Variants in BLVRA observed in about 807,000 individuals in gnomAD.
The protein encoded by BLVRA is biliverdin reductase A.
A neutral mutation model predicts 32.8 loss-of-function variants in BLVRA; 22 were observed. That is an observed-to-expected ratio of 0.67 (90% CI 0.48 to 0.96). The LOEUF (loss-of-function observed/expected upper bound fraction) is 0.96, where lower values mean the gene tolerates loss of function less well. Among genes scored for constraint, BLVRA ranks in the 40% least tolerant of loss-of-function variants. BLVRA has a pLI of 0.00. For missense variants in BLVRA, 323 were observed against 358.1 expected (o/e 0.90, Z 0.79); for synonymous variants, 119 against 141.3 (o/e 0.84, Z 1.12).
intron 6 of BLVRA, among the ~76,000 whole-genome samples, chr7:43,803,085 A>G (rs2095800498): frequency 6.6e-6 from 1 of 152,178 alleles, no homozygotes; most frequent in Non-Finnish European, 1.5e-5. Flanking sequence ...GAAGACTAAG[A>G]AAACATTTAA....
intron 2 of BLVRA, among the ~76,000 whole-genome samples, chr7:43,780,818 GA>G (rs2095768193): frequency 6.6e-6 from 1 of 152,212 alleles, no homozygotes; most frequent in Non-Finnish European, 1.5e-5. Flanking sequence ...GTATGTTCAT[GA>G]AACATTTTGT....
chr7:43,774,147 G>A (rs1187012996), intron 2 of BLVRA, among the ~76,000 whole-genome samples: 1 of 152,178 alleles, frequency 6.6e-6, no homozygotes, highest in Non-Finnish European at 1.5e-5. Flanking sequence ...AGTTTAATTA[G>A]ATCCCATTTG....
intron 3 of BLVRA, among the ~76,000 whole-genome samples, chr7:43,790,436 C>T (rs549387696): frequency 3.4e-4 from 51 of 152,162 alleles, no homozygotes; most frequent in African/African-American, 1.2e-3. Context: ...GACACACACA[C>T]ACACACAAAC....
intron 2 of BLVRA, among the ~76,000 whole-genome samples, chr7:43,774,167 G>T (rs2132555109): frequency 6.6e-6 from 1 of 152,196 alleles, no homozygotes; most frequent in African/African-American, 2.4e-5. Context: ...GTCCATTTTG[G>T]CTTTTGTTGC....
intron 2 of BLVRA, among the ~76,000 whole-genome samples, chr7:43,784,697 C>T (rs1023429664): frequency 8.0e-5 from 12 of 150,376 alleles, no homozygotes; most frequent in South Asian, 6.3e-4. Context: ...CCTGCCTCCC[C>T]GGTTCAAGCG....
chr7:43,793,137 A>G (rs2132582308), intron 5 of BLVRA, among the ~76,000 whole-genome samples: 2 of 152,346 alleles, frequency 1.3e-5, no homozygotes, highest in Admixed American at 1.3e-4. Flanking sequence ...ATGCTGGGAT[A>G]TCCTAAAAAT....
intron 2 of BLVRA, among the ~76,000 whole-genome samples, chr7:43,785,238 G>T (rs1250728983): frequency 6.7e-6 from 1 of 149,558 alleles, no homozygotes; most frequent in Middle Eastern, 3.3e-3. Context: ...GATTGAAAGG[G>T]AAACAAATAT....
chr7:43,770,627 C>T (rs981033398), intron 1 of BLVRA, among the ~76,000 whole-genome samples: 35 of 152,150 alleles, frequency 2.3e-4, no homozygotes, highest in African/African-American at 8.4e-4. Flanking sequence ...TACCCCTGCT[C>T]ACCTGTTTGC....
At chr7:43,806,832 C>G in intron 7 of BLVRA, 145 bp from the exon 8 acceptor site, 1 of 841,208 alleles carries the variant, frequency 1.2e-6, no homozygotes, top group Non-Finnish European at 2.0e-6. Context: ...TTGACACAGT[C>G]ACCCACAGCC....
At position 43,771,128 on chromosome 7, in the gene BLVRA, G is replaced by T; in HGVS notation, c.-21-10G>T. On this transcript the variant is annotated splice_polypyrimidine_tract_variant and intron_variant, in intron 1 of 7. Transcript: ENST00000265523. ...ACCAGGGACCTGAACCTCTGCTTTT[G>T]TCTTTACAGTGACCGAAGGAAGAGA... 2 of 1,614,034 alleles carry T rather than the reference G, an allele frequency of 1.2e-6. No homozygotes were observed. Among genetic ancestry groups the T allele is most frequent in the East Asian group, 2.2e-5 (1 of 44,888 alleles).
intron 2 of BLVRA, among the ~76,000 whole-genome samples, chr7:43,777,408 G>A (rs1309655206): frequency 1.8e-5 from 2 of 113,542 alleles, no homozygotes; most frequent in Admixed American, 9.2e-5. Flanking sequence ...ATGAAGCTTA[G>A]TTTGGCTGGA....
At chr7:43,789,013 C>T (rs2095782009) in intron 3 of BLVRA, among the ~76,000 whole-genome samples, 1 of 151,954 alleles carries the variant, frequency 6.6e-6, no homozygotes, top group African/African-American at 2.4e-5. Flanking sequence ...TTCCCCCATG[C>T]TCAAATTTTC....
intron 5 of BLVRA, among the ~76,000 whole-genome samples, chr7:43,794,396 T>G (rs2095789542): frequency 6.6e-6 from 1 of 152,094 alleles, no homozygotes; most frequent in Admixed American, 6.6e-5. Flanking sequence ...TAAAGGTAAA[T>G]ATATAGACAA....
Position 43,791,691 on chromosome 7 carries a change from C to T in BLVRA, c.254+323C>T, listed in dbSNP as rs1181577. On this transcript the variant is annotated intron_variant, in intron 4 of 7. Coordinates refer to ENST00000265523, the MANE Select transcript of BLVRA (RefSeq NM_000712.4). ...ACAGTAGTGGCCTCCTTCTTCTCAC[C>T]AGACAGTTTAGGATGTGGAGCCGGC... 7.5e-3 allele frequency: 2,303 copies of T among 308,734 alleles called. 60 individuals are homozygous for T. The highest frequency in any genetic ancestry group is 0.046 in the African/African-American group (2,159 of 46,476). The allele number at this position is 308,734 out of a possible 1,614,324, so 19.1% of individuals were successfully genotyped here.
chr7:43,807,038 C>A lies in BLVRA; in HGVS notation c.694C>A (p.His232Asn). ...GLKRNRYLSFHFKSGSLENVP... is the reference protein window; with the variant it reads ...GLKRNRYLSFNFKSGSLENVP... Reference sequence around the variant, plus strand: ...AAAACGAAACAGATATTTAAGCTTCCATTTCAAGTCTGGGTCCTTGGAGAA... The same window carrying A: ...AAAACGAAACAGATATTTAAGCTTCAATTTCAAGTCTGGGTCCTTGGAGAA... Residue 232 changes from histidine (H) to asparagine (N), a missense_variant, in exon 8 of 8, where the codon CAT (histidine) becomes AAT (asparagine). Physicochemically the swap from His to Asn is moderately conservative, Grantham distance 68. Coordinates refer to ENST00000265523, the MANE Select transcript of BLVRA (RefSeq NM_000712.4). The A allele has an allele frequency of 6.2e-7, 1 of 1,614,128 alleles. No homozygotes were observed. Among genetic ancestry groups the A allele is most frequent in the Non-Finnish European group, 8.5e-7 (1 of 1,179,960 alleles).
At chr7:43,785,739 G>A (rs1158771019) in intron 2 of BLVRA, among the ~76,000 whole-genome samples, 1 of 152,170 alleles carries the variant, frequency 6.6e-6, no homozygotes, top group Non-Finnish European at 1.5e-5. Flanking sequence ...ATATTGAATT[G>A]TATAACAACA....
intron 6 of BLVRA, among the ~76,000 whole-genome samples, chr7:43,801,516 C>T (rs751715745): frequency 1.3e-5 from 2 of 152,092 alleles, no homozygotes; most frequent in Admixed American, 6.5e-5. Context: ...CATTTTTGCA[C>T]GGTAAAGCCA....
rs182793100 is a variant in BLVRA at position 43,792,071 on chromosome 7, A to G, written c.255-644A>G. On this transcript the variant is annotated intron_variant, in intron 4 of 7. Transcript: ENST00000265523. ...TGCTTATAAATATTTGTACTCTGGT[A>G]TCCACAGAATGAAATCTGAACTGCT... 3.2e-3 allele frequency among the ~76,000 whole-genome samples: 481 copies of G among 152,342 alleles called. 2 individuals carry two copies. In the Middle Eastern group the frequency reaches 0.034, roughly 11 times the overall value.
chr7:43,771,184 A>G lies in BLVRA; in HGVS notation c.12+14A>G. The stretch of plus-strand genomic sequence containing the variant: ...ATGAATGCAGAGGTGAGTTCTTTAC[A>G]AAGACCAGTTTAAGGGATGCTTTTC... On this transcript the variant is annotated intron_variant, in intron 2 of 7. Transcript: ENST00000265523. 6.2e-7 allele frequency: 1 copy of G among 1,613,420 alleles called. No individual in the cohort carries two copies. Among genetic ancestry groups the G allele is most frequent in the South Asian group, 1.1e-5 (1 of 91,056 alleles).
Sources: gnomAD v4.1 joint callset for allele counts (sites outside exome capture counted in the v4.1 genomes callset) on GRCh38, gnomAD v4.1.1 for gene constraint, MANE v1.5 for transcripts, NCBI Gene and HGNC (gene_info 2026-07-23, HGNC 2026-07-21) for gene names.